FAM120A: variants seen among roughly 807,000 people sequenced by gnomAD.
FAM120A encodes constitutive coactivator of PPAR-gamma-like protein 1.
In FAM120A, 15 loss-of-function variants were observed where a neutral mutation model predicts 109.7. The observed-to-expected ratio is 0.14, with a 90% CI of 0.09 to 0.21. The LOEUF is 0.21. Ranked by LOEUF, FAM120A falls within the 10% of genes least tolerant of loss-of-function variation. The pLI is 1.00. For missense variants in FAM120A, 899 were observed against 1,439.3 expected (o/e 0.62, Z 6.07); for synonymous variants, 493 against 572.8 (o/e 0.86, Z 1.99).
intron 16 of FAM120A, 37 bp downstream of exon 16, chr9:93,561,287 T>A: frequency 6.4e-7 from 1 of 1,560,458 alleles, no homozygotes; most frequent in Non-Finnish European, 8.6e-7. Flanking sequence ...TTTGTATAAG[T>A]AAAGAAAACA....
intron 10 of FAM120A, among the ~76,000 whole-genome samples, chr9:93,536,729 A>G (rs941673498): frequency 2.6e-5 from 4 of 152,230 alleles, no homozygotes; most frequent in Non-Finnish European, 5.9e-5. Context: ...AGACCTTTAA[A>G]AATTTCTAAC....
intron 11 of FAM120A, among the ~76,000 whole-genome samples, chr9:93,546,554 AGG>A (rs760743170): frequency 6.6e-6 from 1 of 152,210 alleles, no homozygotes; most frequent in Non-Finnish European, 1.5e-5. Context: ...ATGCACGGAC[AGG>A]GAAGAGGCCA....
At chr9:93,516,291 G>T in intron 7 of FAM120A, 22 bp downstream of exon 7, 3 of 1,600,600 alleles carry the variant, frequency 1.9e-6, no homozygotes, top group Non-Finnish European at 1.7e-6. Flanking sequence ...GTGGGTCGCT[G>T]GGTGCTTCCT....
At chr9:93,482,673 C>T (rs769133735) in intron 3 of FAM120A, among the ~76,000 whole-genome samples, 8 of 152,120 alleles carry the variant, frequency 5.3e-5, no homozygotes, top group South Asian at 4.1e-4. Context: ...ATGGTAGGGC[C>T]GTCAGTCTGG....
intron 9 of FAM120A, chr9:93,530,650 G>T (rs933896302): frequency 2.6e-5 from 4 of 152,100 alleles, no homozygotes; most frequent in East Asian, 3.8e-4. Context: ...TTTGATATGG[G>T]TATGCATTTA....
In FAM120A at chr9:93,529,585, TATCAA is replaced by T; in HGVS notation, c.1734+7_1734+11del. On this transcript the variant is annotated splice_donor_region_variant and intron_variant, in intron 9 of 17. Transcript: ENST00000277165. ...ATCTTCCATGTCCTGACGAAGGTAT[TATCAA>T]AGGGGCCCTGGAGTGGCTTCTGTTA... 1.9e-6 allele frequency: 3 copies of T among 1,613,598 alleles called. No homozygotes were observed. The highest frequency in any genetic ancestry group is 2.5e-6 in the Non-Finnish European group (3 of 1,179,476).
intron 3 of FAM120A, among the ~76,000 whole-genome samples, chr9:93,492,586 A>G (rs1421862846): frequency 1.3e-5 from 2 of 152,140 alleles, no homozygotes; most frequent in Non-Finnish European, 2.9e-5. Flanking sequence ...CTCATCCCGG[A>G]CTGGATTTAG....
At chr9:93,506,182 T>C (rs1417585759) in intron 5 of FAM120A, among the ~76,000 whole-genome samples, 1 of 152,258 alleles carries the variant, frequency 6.6e-6, no homozygotes, top group Non-Finnish European at 1.5e-5. Context: ...CACTTTTATG[T>C]ACATTTTATG....
chr9:93,452,734 A>G lies in FAM120A; in HGVS notation c.474+345A>G. On this transcript the variant is annotated intron_variant, in intron 1 of 17. Transcript: ENST00000277165. This position sits in a 1 kb window ranked among gnomAD's most constrained non-coding sequence, Gnocchi z 7.0. ...TCCTATTTGAGGCGGGCAGGCTATC[A>G]CTCACCTTCAACTTTGACAAAATAC... The G allele has an allele frequency of 6.3e-7, 1 of 1,597,928 alleles. No homozygotes were observed.
intron 3 of FAM120A, among the ~76,000 whole-genome samples, chr9:93,492,180 G>A (rs80251236): frequency 0.12 from 17,958 of 149,900 alleles, 2,304 homozygotes; most frequent in African/African-American, 0.32. Context: ...GTGTGTGTGT[G>A]TATATATATA....
intron 2 of FAM120A, among the ~76,000 whole-genome samples, chr9:93,474,680 G>C (rs1046140600): frequency 1.3e-5 from 2 of 151,854 alleles, no homozygotes; most frequent in African/African-American, 2.4e-5. Context: ...TGCAAGCTCC[G>C]CCTCCCAGGT....
chr9:93,556,699 G>C, intron 13 of FAM120A, 108 bp downstream of exon 13: 1 of 1,185,994 alleles, frequency 8.4e-7, no homozygotes, highest in South Asian at 1.4e-5. Flanking sequence ...TCAAGATTCT[G>C]TTTTAGGTTG....
chr9:93,519,522 C>T (rs1274389649), intron 7 of FAM120A, among the ~76,000 whole-genome samples: 2 of 152,072 alleles, frequency 1.3e-5, no homozygotes, highest in African/African-American at 4.8e-5. Flanking sequence ...GGATTACAGG[C>T]GTGACCCACC....
chr9:93,513,705 C>T (rs535592864), intron 5 of FAM120A, among the ~76,000 whole-genome samples: 3 of 152,174 alleles, frequency 2.0e-5, no homozygotes, highest in Non-Finnish European at 4.4e-5. Context: ...CTGTAAGATT[C>T]CTGGTCGTTC....
At chr9:93,517,416 G>A (rs993023172) in intron 7 of FAM120A, among the ~76,000 whole-genome samples, 3 of 152,228 alleles carry the variant, frequency 2.0e-5, no homozygotes, top group Middle Eastern at 3.4e-3. Flanking sequence ...TCTGGTTGGG[G>A]CCCCCAAATT....
At chr9:93,483,154 G>A (rs1469357949) in intron 3 of FAM120A, among the ~76,000 whole-genome samples, 1 of 152,104 alleles carries the variant, frequency 6.6e-6, no homozygotes, top group Non-Finnish European at 1.5e-5. Context: ...ATAGCAGGAG[G>A]GGGTAGTTCT....
At chr9:93,518,880 G>A (rs1860723914) in intron 7 of FAM120A, among the ~76,000 whole-genome samples, 1 of 152,174 alleles carries the variant, frequency 6.6e-6, no homozygotes, top group Non-Finnish European at 1.5e-5. Context: ...CAGGATGGAG[G>A]CCCAACACAA....
chr9:93,526,607 C>T (rs1861093749), intron 7 of FAM120A, among the ~76,000 whole-genome samples: 1 of 152,114 alleles, frequency 6.6e-6, no homozygotes, highest in Non-Finnish European at 1.5e-5. Context: ...TGCCATCTCG[C>T]TTTGCCTAGA....
intron 11 of FAM120A, among the ~76,000 whole-genome samples, chr9:93,549,438 C>T (rs1338403148): frequency 1.3e-5 from 2 of 152,172 alleles, no homozygotes; most frequent in African/African-American, 2.4e-5. Flanking sequence ...ACCTAGTGAG[C>T]ACGTAAACTT....
Sources: gnomAD v4.1 joint callset for allele counts (sites outside exome capture counted in the v4.1 genomes callset) on GRCh38, gnomAD v4.1.1 for gene constraint, Gnocchi (gnomAD v3.1) non-coding constraint, MANE v1.5 for transcripts, NCBI Gene and HGNC (gene_info 2026-07-23, HGNC 2026-07-21) for gene names.